ADAMTS19: variants seen among roughly 807,000 people sequenced by gnomAD.
The protein encoded by ADAMTS19 is ADAM metallopeptidase with thrombospondin type 1 motif 19.
Under a neutral mutation model 153.3 loss-of-function variants are expected in ADAMTS19, and 93 were observed. The ratio of observed to expected loss-of-function variants is 0.61; its 90% CI spans 0.51 to 0.72. The LOEUF (loss-of-function observed/expected upper bound fraction) is 0.72, where lower values mean the gene tolerates loss of function less well. Among genes scored for constraint, ADAMTS19 ranks in the 30% least tolerant of loss-of-function variants. The pLI is 0.00. For synonymous variants in ADAMTS19, 600 were observed against 556.6 expected (o/e 1.08, Z -1.10); for missense variants, 1,482 against 1,552.1 (o/e 0.95, Z 0.76).
chr5:129,514,032 C>A (rs886189617), intron 3 of ADAMTS19, among the ~76,000 whole-genome samples: 1 of 152,002 alleles, frequency 6.6e-6, no homozygotes, highest in Non-Finnish European at 1.5e-5. Flanking sequence ...ATAAGTGAGA[C>A]CATCCCATGT....
chr5:129,661,209 C>A (rs1480241472), intron 15 of ADAMTS19, among the ~76,000 whole-genome samples: 1 of 152,052 alleles, frequency 6.6e-6, no homozygotes, highest in South Asian at 2.1e-4. Flanking sequence ...ACTTGTCTTT[C>A]ATTTCCCATT....
At chr5:129,477,411 A>T (rs1750260951) in intron 2 of ADAMTS19, among the ~76,000 whole-genome samples, 1 of 152,174 alleles carries the variant, frequency 6.6e-6, no homozygotes, top group African/African-American at 2.4e-5. Flanking sequence ...GTGTGAATTG[A>T]TACAACCTTC....
At chr5:129,706,878 A>G (rs1756182990) in intron 21 of ADAMTS19, among the ~76,000 whole-genome samples, 1 of 152,008 alleles carries the variant, frequency 6.6e-6, no homozygotes, top group Admixed American at 6.6e-5. Context: ...TGCTAAACTA[A>G]AAAAAATTTT....
In ADAMTS19 at chr5:129,461,207, C is replaced by A; in HGVS notation, c.197C>A (p.Pro66Gln). ...GGCGGCAGCGGGGGCAGCGCGGACC[C>A]GGGCTGGGTGCGCGGCGTTGGGGGC... is the stretch of plus-strand genomic sequence containing the variant. The part of the protein sequence containing the change: ...PAGGSGGSAD[P>Q]GWVRGVGGGG... The change falls in exon 2 of 23, where the codon CCG becomes CAG. Residue 66 changes from proline (P) to glutamine (Q), a missense_variant. Coordinates refer to ENST00000274487, the MANE Select transcript of ADAMTS19 (RefSeq NM_133638.6). This position sits in a 1 kb window ranked among gnomAD's most constrained non-coding sequence, Gnocchi z 4.6. The A allele has an allele frequency of 7.7e-7, 1 of 1,296,386 alleles. No individual in the cohort carries two copies. The highest frequency in any genetic ancestry group is 9.7e-7 in the Non-Finnish European group (1 of 1,028,066). The allele number at this position is 1,296,386 out of a possible 1,614,324, so 80.3% of individuals were successfully genotyped here. A position where few individuals can be genotyped will look rare whatever the true frequency, so the allele number is the denominator to read the frequency against.
At chr5:129,673,691 T>G (rs1443151545) in intron 16 of ADAMTS19, among the ~76,000 whole-genome samples, 1 of 152,194 alleles carries the variant, frequency 6.6e-6, no homozygotes, top group African/African-American at 2.4e-5. Flanking sequence ...TACTCATCTT[T>G]TTTTCAGTTA....
chr5:129,720,767 G>A (rs1756968815), intron 21 of ADAMTS19, among the ~76,000 whole-genome samples: 2 of 152,102 alleles, frequency 1.3e-5, no homozygotes, highest in African/African-American at 4.8e-5. Flanking sequence ...TAGTTAAGAG[G>A]TTTTTAGGAA....
At chr5:129,711,674 T>TC (rs1361433365) in intron 21 of ADAMTS19, among the ~76,000 whole-genome samples, 2 of 150,394 alleles carry the variant, frequency 1.3e-5, no homozygotes, top group African/African-American at 4.9e-5. Context: ...AGACTCTGTC[T>TC]CAAAAAAAAA....
At chr5:129,546,384 A>G (rs1405461643) in intron 6 of ADAMTS19, among the ~76,000 whole-genome samples, 2 of 150,890 alleles carry the variant, frequency 1.3e-5, no homozygotes, top group Non-Finnish European at 2.9e-5. Context: ...CTTAAAGTAT[A>G]ATAAAAAAAA....
At chr5:129,536,084 C>T (rs1752410533) in intron 6 of ADAMTS19, among the ~76,000 whole-genome samples, 1 of 152,152 alleles carries the variant, frequency 6.6e-6, no homozygotes, top group Non-Finnish European at 1.5e-5. Flanking sequence ...AACTAAAGAG[C>T]TTCTGCACAT....
At chr5:129,558,305 G>A (rs986410089) in intron 7 of ADAMTS19, among the ~76,000 whole-genome samples, 2 of 152,000 alleles carry the variant, frequency 1.3e-5, no homozygotes, top group Non-Finnish European at 2.9e-5. Flanking sequence ...TAAATTATGA[G>A]AAATAGTAGG....
chr5:129,540,087 A>G (rs1463251110), intron 6 of ADAMTS19, among the ~76,000 whole-genome samples: 2 of 152,118 alleles, frequency 1.3e-5, no homozygotes, highest in Non-Finnish European at 2.9e-5. Flanking sequence ...CATTGGAAAA[A>G]ATGTTAATCT....
chr5:129,499,332 T>A (rs1030822229), intron 2 of ADAMTS19, among the ~76,000 whole-genome samples: 1 of 152,082 alleles, frequency 6.6e-6, no homozygotes, highest in Non-Finnish European at 1.5e-5. Flanking sequence ...ACTAAAGCAG[T>A]CATTTTGAAT....
intron 7 of ADAMTS19, among the ~76,000 whole-genome samples, chr5:129,579,872 C>T (rs528810054): frequency 5.3e-5 from 8 of 152,034 alleles, no homozygotes; most frequent in South Asian, 4.2e-4. Context: ...GGTAGCATGA[C>T]GCCTCCAGCT....
chr5:129,553,796 T>C (rs936073742), intron 7 of ADAMTS19, among the ~76,000 whole-genome samples: 4 of 152,124 alleles, frequency 2.6e-5, no homozygotes, highest in African/African-American at 7.2e-5. Context: ...TGAAAACTTA[T>C]AACAACCAAG....
At chr5:129,710,308 C>A (rs1356579369) in intron 21 of ADAMTS19, among the ~76,000 whole-genome samples, 1 of 152,068 alleles carries the variant, frequency 6.6e-6, no homozygotes, top group Non-Finnish European at 1.5e-5. Context: ...GATCTCATTC[C>A]TTTTTATGGC....
chr5:129,591,805 A>T (rs1232568706), intron 7 of ADAMTS19, among the ~76,000 whole-genome samples: 1 of 152,134 alleles, frequency 6.6e-6, no homozygotes, highest in African/African-American at 2.4e-5. Context: ...GATAATGCTT[A>T]AAAACAGCAC....
At chr5:129,727,391 A>T (rs1320598162) in intron 21 of ADAMTS19, among the ~76,000 whole-genome samples, 2 of 152,172 alleles carry the variant, frequency 1.3e-5, no homozygotes, top group Admixed American at 1.3e-4. Context: ...ACCTCATACC[A>T]TATAACCTGA....
chr5:129,647,444 G>C (rs1411144784), intron 11 of ADAMTS19, among the ~76,000 whole-genome samples: 1 of 151,778 alleles, frequency 6.6e-6, no homozygotes, highest in Non-Finnish European at 1.5e-5. Flanking sequence ...TAAATGTGTT[G>C]GATTTTCTTT....
intron 18 of ADAMTS19, among the ~76,000 whole-genome samples, chr5:129,689,357 C>T (rs1313543896): frequency 6.6e-6 from 1 of 152,150 alleles, no homozygotes; most frequent in African/African-American, 2.4e-5. Context: ...AAGCCTATAC[C>T]TTTTAAAACC....
Sources: gnomAD v4.1 joint callset for allele counts (sites outside exome capture counted in the v4.1 genomes callset) on GRCh38, gnomAD v4.1.1 for gene constraint, Gnocchi (gnomAD v3.1) non-coding constraint, MANE v1.5 for transcripts, NCBI Gene and HGNC (gene_info 2026-07-23, HGNC 2026-07-21) for gene names.